The following GHR variants were observed in gnomAD, a reference collection of about 807,000 sequenced individuals.
The protein encoded by GHR is GH receptor.
GHR carries 35 observed loss-of-function variants against 67.1 expected under a neutral mutation model. The observed-to-expected ratio is 0.52, with a 90% confidence interval of 0.40 to 0.69. The LOEUF is 0.69. Among genes scored for constraint, GHR ranks in the 30% least tolerant of loss-of-function variants. The probability of loss-of-function intolerance (pLI) is 0.00; values close to 1 mark genes in which losing one functional copy is unlikely to be tolerated. For synonymous variants in GHR, 272 were observed against 269.1 expected, an observed-to-expected ratio of 1.01 and a Z score of -0.10; for missense variants, 792 against 764.6, an observed-to-expected ratio of 1.04 and a Z score of -0.42.
chr5:42,481,092 A>G (rs956999376), intron 1 of GHR, among the ~76,000 whole-genome samples: 4 of 151,800 alleles, frequency 2.6e-5, no homozygotes, highest in Non-Finnish European at 2.9e-5. Flanking sequence ...GGTGGTGACA[A>G]AATCTCTCAG....
chr5:42,614,471 A>G (rs1383786977), intron 2 of GHR, among the ~76,000 whole-genome samples: 1 of 149,994 alleles, frequency 6.7e-6, no homozygotes, highest in Non-Finnish European at 1.5e-5. Flanking sequence ...GACATCCTGC[A>G]TTTCTAACGA....
intron 2 of GHR, among the ~76,000 whole-genome samples, chr5:42,608,898 T>C (rs558815842): frequency 1.6e-4 from 25 of 152,264 alleles, no homozygotes; most frequent in African/African-American, 5.1e-4. Flanking sequence ...TAGAAACTCA[T>C]TGTACTCTAT....
intron 1 of GHR, among the ~76,000 whole-genome samples, chr5:42,507,257 G>A (rs750402996): frequency 6.6e-6 from 1 of 152,194 alleles, no homozygotes; most frequent in Non-Finnish European, 1.5e-5. Context: ...ACCATTAGTC[G>A]TTGTAAGTAT....
At chr5:42,478,713 G>C (rs1246227383) in intron 1 of GHR, among the ~76,000 whole-genome samples, 1 of 152,154 alleles carries the variant, frequency 6.6e-6, no homozygotes, top group Non-Finnish European at 1.5e-5. Flanking sequence ...AAGAATGCTT[G>C]TGATTTTTGC....
intron 1 of GHR, among the ~76,000 whole-genome samples, chr5:42,430,916 A>T (rs975211309): frequency 3.3e-5 from 5 of 152,136 alleles, no homozygotes; most frequent in African/African-American, 1.2e-4. Context: ...AATATGAAAT[A>T]ATAGTAAATT....
intron 1 of GHR, among the ~76,000 whole-genome samples, chr5:42,530,495 A>G (rs1329340440): frequency 6.6e-6 from 1 of 152,230 alleles, no homozygotes; most frequent in Non-Finnish European, 1.5e-5. Flanking sequence ...GAGAATGGCA[A>G]CTATGGTGTT....
intron 1 of GHR, among the ~76,000 whole-genome samples, chr5:42,442,613 C>T (rs13171720): frequency 0.18 from 26,788 of 152,072 alleles, 2,666 homozygotes; most frequent in Non-Finnish European, 0.21. Context: ...AGAAGTATAG[C>T]AGTCAGTGAT....
chr5:42,506,725 C>T (rs1249377993), intron 1 of GHR, among the ~76,000 whole-genome samples: 3 of 152,132 alleles, frequency 2.0e-5, no homozygotes, highest in Admixed American at 6.5e-5. Context: ...ACTGGTCAAG[C>T]GTATCCTTTT....
intron 1 of GHR, among the ~76,000 whole-genome samples, chr5:42,509,743 T>TA (rs1746930806): frequency 6.6e-6 from 1 of 151,432 alleles, no homozygotes; most frequent in African/African-American, 2.4e-5. Flanking sequence ...TTTTTTTTTT[T>TA]ACACGTCTAC....
At position 42,718,790 on chromosome 5, in the gene GHR, A is replaced by G; in HGVS notation, c.1283A>G (p.Gln428Arg). The change falls in exon 10 of 10, where the codon CAG (glutamine) becomes CGG (arginine). Residue 428 changes from glutamine (Q) to arginine (R), a missense_variant. Transcript: ENST00000230882. ...GAAGCAGATCTCTTATGCCTTGACC[A>G]GAAGAATCAAAATAACTCACCTTAT... is the stretch of plus-strand genomic sequence containing the variant. ...KGEADLLCLD[Q>R]KNQNNSPYHD... 1.2e-6 allele frequency: 2 copies of G among 1,614,160 alleles called. No homozygotes were observed. Among genetic ancestry groups the G allele is most frequent in the African/African-American group, 1.3e-5 (1 of 75,034 alleles).
At chr5:42,457,240 G>A (rs1354475393) in intron 1 of GHR, among the ~76,000 whole-genome samples, 2 of 152,100 alleles carry the variant, frequency 1.3e-5, no homozygotes, top group Non-Finnish European at 2.9e-5. Context: ...ATTTAAGTGG[G>A]TATATTTGAA....
chr5:42,591,169 G>A (rs758070339), intron 2 of GHR, among the ~76,000 whole-genome samples: 6 of 152,232 alleles, frequency 3.9e-5, no homozygotes, highest in Admixed American at 1.3e-4. Context: ...TTTGGCAGCC[G>A]AGGAAACAGC....
intron 3 of GHR, among the ~76,000 whole-genome samples, chr5:42,684,384 T>C (rs1757035779): frequency 6.6e-6 from 1 of 152,212 alleles, no homozygotes; most frequent in Non-Finnish European, 1.5e-5. Flanking sequence ...ACAGTTAGAA[T>C]GTGAAATAGT....
At chr5:42,484,447 G>A (rs1745792475) in intron 1 of GHR, among the ~76,000 whole-genome samples, 1 of 152,144 alleles carries the variant, frequency 6.6e-6, no homozygotes, top group Non-Finnish European at 1.5e-5. Flanking sequence ...GAAGAGGGAG[G>A]TATGAAATTG....
intron 2 of GHR, among the ~76,000 whole-genome samples, chr5:42,604,880 A>G (rs1752548253): frequency 6.6e-6 from 1 of 152,040 alleles, no homozygotes; most frequent in Non-Finnish European, 1.5e-5. Context: ...TCTCTGTGAA[A>G]TCAGTTACCT....
At chr5:42,651,047 C>T (rs1754997644) in intron 3 of GHR, among the ~76,000 whole-genome samples, 1 of 152,098 alleles carries the variant, frequency 6.6e-6, no homozygotes, top group Non-Finnish European at 1.5e-5. Context: ...TGCCTGATGT[C>T]TTCATCCTAG....
At chr5:42,636,868 A>G (rs904688283) in intron 3 of GHR, among the ~76,000 whole-genome samples, 5 of 152,218 alleles carry the variant, frequency 3.3e-5, no homozygotes, top group Admixed American at 6.5e-5. Context: ...ATATAAGGTA[A>G]TATATATTTA....
At chr5:42,574,051 T>C (rs966020122) in intron 2 of GHR, among the ~76,000 whole-genome samples, 2 of 152,156 alleles carry the variant, frequency 1.3e-5, no homozygotes, top group Non-Finnish European at 2.9e-5. Context: ...GGGAGGACCA[T>C]TTTGTGTTTG....
intron 1 of GHR, among the ~76,000 whole-genome samples, chr5:42,517,708 A>G (rs1747299864): frequency 6.6e-6 from 1 of 152,166 alleles, no homozygotes; most frequent in Non-Finnish European, 1.5e-5. Context: ...TATTGTATTG[A>G]AATTGTATGA....
Sources: allele counts gnomAD v4.1 joint callset (sites outside exome capture counted in the v4.1 genomes callset), GRCh38; gene constraint gnomAD v4.1.1; transcripts MANE v1.5; gene names NCBI Gene and HGNC (gene_info 2026-07-23, HGNC 2026-07-21).